GOLGB1: variants seen among roughly 807,000 people sequenced by gnomAD.
The protein encoded by GOLGB1 is golgin B1, also known as golgin subfamily B member 1.
Under a neutral mutation model 336.9 loss-of-function variants are expected in GOLGB1, and 174 were observed. The observed-to-expected ratio is 0.52, with a 90% CI of 0.46 to 0.59. The LOEUF (loss-of-function observed/expected upper bound fraction) is 0.59. GOLGB1 is among the 20% of genes least tolerant of loss of function. GOLGB1 has a pLI of 0.00. For missense variants in GOLGB1, 3,331 were observed against 3,645.3 expected (o/e 0.91, Z 2.22); for synonymous variants, 1,208 against 1,289.2 (o/e 0.94, Z 1.35).
At chr3:121,671,814 C>A (rs1939573376) in intron 17 of GOLGB1, among the ~76,000 whole-genome samples, 1 of 152,110 alleles carries the variant, frequency 6.6e-6, no homozygotes, top group Non-Finnish European at 1.5e-5. Context: ...TCCTTCCCAG[C>A]CTTTAGTAAC....
chr3:121,694,598 T>C lies in GOLGB1; in HGVS notation c.5925A>G (p.Glu1975=). Residue 1975 remains glutamate (E), a synonymous_variant, in exon 13 of 22, where the codon GAA becomes GAG. Coordinates refer to ENST00000614479, the MANE Select transcript of GOLGB1 (RefSeq NM_001366282.2). The stretch of plus-strand genomic sequence containing the variant: ...TTTCCTTGACTAACTGCTGCTTTTC[T>C]TCTTCCAATTCACTCACACACTTTT... ...NLKKCVSELE[E]EKQQLVKEKT... 4 of 1,612,388 alleles carry C rather than the reference T, an allele frequency of 2.5e-6. No homozygotes were observed. The highest frequency in any genetic ancestry group is 2.5e-6 in the Non-Finnish European group (3 of 1,179,992).
In GOLGB1 at chr3:121,691,339, G is replaced by A. The variant is rs748805035; in HGVS notation, c.8025C>T (p.Ala2675=). The A allele has an allele frequency of 3.7e-6, 6 of 1,611,982 alleles. No individual in the cohort carries two copies. The highest frequency in any genetic ancestry group is 5.1e-6 in the Non-Finnish European group (6 of 1,179,574). ...TATCTTCAATTTCACCTACCTTCTTGGCAGCTTCCTTTTGAACACAAACCA... is the reference window on the plus strand; with the variant it reads ...TATCTTCAATTTCACCTACCTTCTTAGCAGCTTCCTTTTGAACACAAACCA... ...EELVCVQKEA[A]KKVGEIEDKL... is the part of the protein sequence containing the mutation. The change falls in exon 14 of 22, where the codon GCC becomes GCT. Residue 2675 remains alanine, a synonymous_variant. Coordinates refer to ENST00000614479, the MANE Select transcript of GOLGB1 (RefSeq NM_001366282.2).
chr3:121,677,312 C>T lies in GOLGB1; in HGVS notation c.9012G>A (p.Gln3004=). 2 of 1,611,644 alleles carry T rather than the reference C, an allele frequency of 1.2e-6. No homozygotes were observed. The highest frequency in any genetic ancestry group is 1.3e-5 in the African/African-American group (1 of 74,822). ...RELRSSSSQT[Q]PLKVQYQRQA... ...GTCTTTGGTATTGCACTTTGAGAGG[C>T]TGAGTCTGGGAGGAAGAAGACCTCA... The change falls in exon 16 of 22, where the codon CAG becomes CAA. Residue 3004 remains glutamine, a synonymous_variant. Transcript: ENST00000614479.
intron 1 of GOLGB1, among the ~76,000 whole-genome samples, chr3:121,741,823 G>A (rs189221032): frequency 6.6e-6 from 1 of 152,016 alleles, no homozygotes; most frequent in Non-Finnish European, 1.5e-5. Flanking sequence ...CCTAGATTGG[G>A]GTCTTGAAAT....
chr3:121,684,607 T>G (rs1431159860), intron 14 of GOLGB1, among the ~76,000 whole-genome samples: 3 of 152,188 alleles, frequency 2.0e-5, no homozygotes, highest in Non-Finnish European at 4.4e-5. Flanking sequence ...GCTTTAGACT[T>G]GTGAACCACA....
chr3:121,674,606 G>A (rs1940062644), intron 17 of GOLGB1, among the ~76,000 whole-genome samples: 1 of 152,118 alleles, frequency 6.6e-6, no homozygotes, highest in Admixed American at 6.5e-5. Flanking sequence ...TAGGGAAGTG[G>A]CTTAGAGAAG....
chr3:121,712,859 G>A (rs1237823705), intron 10 of GOLGB1, among the ~76,000 whole-genome samples: 1 of 152,144 alleles, frequency 6.6e-6, no homozygotes, highest in Non-Finnish European at 1.5e-5. Flanking sequence ...ATTTTAGGTG[G>A]GAGTATAAAA....
Position 121,691,698 on chromosome 3 carries a change from G to T in GOLGB1, c.7666C>A (p.Gln2556Lys), listed in dbSNP as rs1292306699. 14 of 1,611,948 alleles carry T rather than the reference G, an allele frequency of 8.7e-6. No homozygotes were observed. The highest frequency in any genetic ancestry group is 1.1e-5 in the Non-Finnish European group (13 of 1,179,518). ...AGTTGAACTTCAAGAAGCTGCTTTT[G>T]TTGGCTGTCCTTTATTGTTATCACT... ...NQVITIKDSQ[Q>K]KQLLEVQLQQ... The change falls in exon 14 of 22, where the codon CAA becomes AAA. Residue 2556 changes from glutamine (Q) to lysine (K), a missense_variant. Physicochemically the swap from Gln to Lys is moderately conservative, Grantham distance 53 (BLOSUM62 1). Transcript: ENST00000614479.
chr3:121,691,748 A>G lies in GOLGB1; in HGVS notation c.7616T>C (p.Ile2539Thr), dbSNP rs759319550. The change falls in exon 14 of 22, where the codon ATC becomes ACC. Residue 2539 changes from isoleucine to threonine, a missense_variant. Physicochemically the swap from Ile to Thr is moderately conservative, Grantham distance 89. Transcript: ENST00000614479. ...TTGGTTCAGGTCTTCTCTATATTGG[A>G]TCAGTTCTGCATCTAGCTTGGCATT... ...SENAKLDAEL[I>T]QYREDLNQVI... 3.7e-6 allele frequency: 6 copies of G among 1,613,532 alleles called. No homozygotes were observed. The highest frequency in any genetic ancestry group is 1.1e-5 in the South Asian group (1 of 91,032).
chr3:121,670,714 A>G (rs1255815644), intron 17 of GOLGB1, among the ~76,000 whole-genome samples: 1 of 129,798 alleles, frequency 7.7e-6, no homozygotes, highest in Non-Finnish European at 1.6e-5. Context: ...CCAGTCTGAT[A>G]GTCTAGCAAG....
At chr3:121,733,463 G>A (rs1039622473) in intron 1 of GOLGB1, among the ~76,000 whole-genome samples, 2 of 152,034 alleles carry the variant, frequency 1.3e-5, no homozygotes, top group Non-Finnish European at 2.9e-5. Flanking sequence ...TTGAAAACCC[G>A]AGGAAGACAT....
intron 18 of GOLGB1, 31 bp from the exon 19 acceptor site, chr3:121,668,189 G>A (rs758905646): frequency 7.9e-6 from 10 of 1,264,126 alleles, no homozygotes; most frequent in Non-Finnish European, 1.1e-5. Context: ...GTAATTCAGT[G>A]ATGAAAGCTC....
Position 121,667,935 on chromosome 3 carries a change from T to G in GOLGB1, c.9419+126A>C, listed in dbSNP as rs1043072891. The stretch of plus-strand genomic sequence containing the variant: ...TGTTACTATTTGATCCTCACATCAC[T>G]TCTGTGAGGCTAATAAGATAACAAG... On this transcript the variant is annotated intron_variant, in intron 19 of 21. Transcript: ENST00000614479. 70 of 590,736 alleles carry G rather than the reference T, an allele frequency of 1.2e-4. No individual in the cohort carries two copies. The African/African-American group carries it at 1.2e-3, about 10-fold the overall frequency. 36.6% of individuals were successfully genotyped at this position (590,736 alleles called of 1,614,324 possible).
intron 1 of GOLGB1, among the ~76,000 whole-genome samples, chr3:121,731,405 G>A (rs1946104966): frequency 2.0e-5 from 3 of 147,338 alleles, no homozygotes; most frequent in South Asian, 2.1e-4. Context: ...GCTCTGTCAC[G>A]CAGGCTGGAG....
intron 10 of GOLGB1, among the ~76,000 whole-genome samples, chr3:121,704,507 G>T (rs961959604): frequency 4.6e-5 from 7 of 152,214 alleles, no homozygotes; most frequent in African/African-American, 1.7e-4. Flanking sequence ...GCTGGACACA[G>T]TGGCTCACGC....
At chr3:121,681,957 C>G in intron 14 of GOLGB1, 92 bp from the exon 15 acceptor site, 2 of 804,888 alleles carry the variant, frequency 2.5e-6, no homozygotes, top group Non-Finnish European at 4.2e-6. Context: ...TAGTCAGACA[C>G]CACAACATGA....
At chr3:121,740,759 A>C (rs530420527) in intron 1 of GOLGB1, among the ~76,000 whole-genome samples, 5 of 152,206 alleles carry the variant, frequency 3.3e-5, no homozygotes, top group Admixed American at 1.3e-4. Context: ...GAATAACAGG[A>C]TTCCCTGAAG....
intron 14 of GOLGB1, among the ~76,000 whole-genome samples, chr3:121,687,983 A>G (rs1389134918): frequency 6.6e-6 from 1 of 152,224 alleles, no homozygotes; most frequent in African/African-American, 2.4e-5. Flanking sequence ...TAAAAACCAT[A>G]ACTGAACAGA....
At chr3:121,670,533 T>C (rs555837495) in intron 17 of GOLGB1, among the ~76,000 whole-genome samples, 1 of 152,268 alleles carries the variant, frequency 6.6e-6, no homozygotes, top group South Asian at 2.1e-4. Flanking sequence ...GTGTTTGTCA[T>C]TCTGAAGAGC....
Sources: allele counts gnomAD v4.1 joint callset (sites outside exome capture counted in the v4.1 genomes callset), GRCh38; gene constraint gnomAD v4.1.1; transcripts MANE v1.5; gene names NCBI Gene and HGNC (gene_info 2026-07-23, HGNC 2026-07-21).